NALF1: variants seen among roughly 807,000 people sequenced by gnomAD.
The protein encoded by NALF1 is family with sequence similarity 155 member A.
NALF1 carries 3 observed loss-of-function variants against 48.4 expected under a neutral mutation model. That is an observed-to-expected ratio of 0.06 (90% CI 0.03 to 0.16). NALF1 has a LOEUF of 0.16. NALF1 is among the 10% of genes least tolerant of loss of function. The pLI is 1.00. For missense variants in NALF1, 526 were observed against 571.5 expected (o/e 0.92, Z 0.81); for synonymous variants, 262 against 245.7 (o/e 1.07, Z -0.62).
intron 1 of NALF1, among the ~76,000 whole-genome samples, chr13:107,735,495 C>T (rs1042600537): frequency 6.6e-6 from 1 of 152,196 alleles, no homozygotes; most frequent in Non-Finnish European, 1.5e-5. Context: ...TCAGAAAAAA[C>T]TCACCTGTAA....
intron 1 of NALF1, among the ~76,000 whole-genome samples, chr13:107,754,354 AACACACACACACACACAC>A (rs6145234): frequency 1.8e-4 from 26 of 142,410 alleles, no homozygotes; most frequent in African/African-American, 6.4e-4. Context: ...GTACATTGTG[AACACACACACACACACAC>A]ACACACACAC....
chr13:107,430,365 G>A (rs953862498), intron 1 of NALF1, among the ~76,000 whole-genome samples: 1 of 151,686 alleles, frequency 6.6e-6, no homozygotes, highest in Non-Finnish European at 1.5e-5. Flanking sequence ...ATGTATACAT[G>A]TGCCATGTTG....
At chr13:107,599,260 A>G (rs529927133) in intron 1 of NALF1, among the ~76,000 whole-genome samples, 5 of 152,212 alleles carry the variant, frequency 3.3e-5, no homozygotes, top group African/African-American at 1.2e-4. Flanking sequence ...CTCTACCAAA[A>G]AAATACAAAA....
chr13:107,457,137 T>C (rs577444634), intron 1 of NALF1, among the ~76,000 whole-genome samples: 3 of 152,154 alleles, frequency 2.0e-5, no homozygotes, highest in African/African-American at 4.8e-5. Context: ...CCATTCAAGA[T>C]GAATAAATGC....
chr13:107,658,030 C>T (rs2138473887), intron 1 of NALF1, among the ~76,000 whole-genome samples: 1 of 152,298 alleles, frequency 6.6e-6, no homozygotes, highest in African/African-American at 2.4e-5. Flanking sequence ...TTTGGAGGCA[C>T]TTTGTCTCCT....
intron 1 of NALF1, among the ~76,000 whole-genome samples, chr13:107,651,144 G>A (rs1880442366): frequency 1.3e-5 from 2 of 152,244 alleles, no homozygotes; most frequent in East Asian, 1.9e-4. Context: ...GAGATAAAAG[G>A]AAAATGAGTT....
At chr13:107,507,981 G>T (rs1245293689) in intron 1 of NALF1, among the ~76,000 whole-genome samples, 2 of 152,040 alleles carry the variant, frequency 1.3e-5, no homozygotes, top group Non-Finnish European at 2.9e-5. Flanking sequence ...CCCACTTTCT[G>T]CATAAAAATG....
chr13:107,198,919 C>T (rs570539081), intron 2 of NALF1, among the ~76,000 whole-genome samples: 2 of 152,324 alleles, frequency 1.3e-5, no homozygotes, highest in South Asian at 2.1e-4. Context: ...GAATTGCATA[C>T]TCCAAAAACG....
Position 107,271,795 on chromosome 13 carries a change from T to TAC in NALF1, c.916-61041_916-61040insGT, listed in dbSNP as rs1881174422. The stretch of plus-strand genomic sequence containing the variant: ...TGGACTATATATATATATATATATA[T>TAC]ATATATATATATATATATATATTTA... On this transcript the variant is annotated intron_variant, in intron 1 of 2. Coordinates refer to ENST00000375915, the MANE Select transcript of NALF1 (RefSeq NM_001080396.3). Among the ~76,000 whole-genome samples, 6 of 134,048 alleles carry TAC rather than the reference T, an allele frequency of 4.5e-5. No homozygotes were observed. In the Admixed American group the frequency reaches 4.6e-4, roughly 10 times the overall value. 87.9% of individuals were successfully genotyped at this position (134,048 alleles called of 152,430 possible).
At chr13:107,327,269 T>C (rs1274730698) in intron 1 of NALF1, among the ~76,000 whole-genome samples, 2 of 152,034 alleles carry the variant, frequency 1.3e-5, no homozygotes, top group Non-Finnish European at 2.9e-5. Context: ...GTCCATTGGC[T>C]ATAGCTAGCC....
intron 1 of NALF1, among the ~76,000 whole-genome samples, chr13:107,434,965 T>C (rs1480562867): frequency 6.6e-6 from 1 of 152,166 alleles, no homozygotes. Context: ...CTCAACTTCA[T>C]TGGCCTCAAA....
chr13:107,660,484 C>CACACACACAA (rs1386945144), intron 1 of NALF1, among the ~76,000 whole-genome samples: 10 of 139,218 alleles, frequency 7.2e-5, no homozygotes, highest in East Asian at 7.1e-4. Context: ...CACACACACA[C>CACACACACAA]AACAAAGAAA....
chr13:107,697,092 C>A (rs529262475), intron 1 of NALF1, among the ~76,000 whole-genome samples: 2 of 151,916 alleles, frequency 1.3e-5, no homozygotes, highest in South Asian at 2.1e-4. Context: ...GATAATTTTG[C>A]GGAGTTTTAG....
intron 1 of NALF1, among the ~76,000 whole-genome samples, chr13:107,408,482 G>T (rs548941250): frequency 6.6e-6 from 1 of 152,008 alleles, no homozygotes; most frequent in East Asian, 1.9e-4. Flanking sequence ...GCCATTAGAA[G>T]ATATTTACGA....
chr13:107,190,017 T>G (rs369693509), intron 2 of NALF1, among the ~76,000 whole-genome samples: 1 of 152,210 alleles, frequency 6.6e-6, no homozygotes, highest in African/African-American at 2.4e-5. Context: ...TTACCTATTA[T>G]GTTCTCCTTA....
chr13:107,371,172 C>G (rs1249835398), intron 1 of NALF1, among the ~76,000 whole-genome samples: 1 of 152,174 alleles, frequency 6.6e-6, no homozygotes, highest in Admixed American at 6.5e-5. Flanking sequence ...ATTGGCCAGG[C>G]ACAGTGGCTC....
chr13:107,403,306 C>G (rs1408021), intron 1 of NALF1, among the ~76,000 whole-genome samples: 2 of 138,378 alleles, frequency 1.4e-5, no homozygotes, highest in African/African-American at 5.3e-5. Context: ...CTTAAAAACT[C>G]TTTTAAGCCA....
chr13:107,778,858 AT>A (rs1482229474), intron 1 of NALF1, among the ~76,000 whole-genome samples: 1 of 152,182 alleles, frequency 6.6e-6, no homozygotes, highest in Non-Finnish European at 1.5e-5. Flanking sequence ...GGCTCTCAAC[AT>A]CAGTTCTCAC....
At chr13:107,561,577 G>A (rs938833460) in intron 1 of NALF1, among the ~76,000 whole-genome samples, 2 of 152,116 alleles carry the variant, frequency 1.3e-5, no homozygotes, top group Non-Finnish European at 2.9e-5. Context: ...CAATACAGTC[G>A]CTACTTTGCC....
Sources: gnomAD v4.1 joint callset for allele counts (sites outside exome capture counted in the v4.1 genomes callset) on GRCh38, gnomAD v4.1.1 for gene constraint, MANE v1.5 for transcripts, NCBI Gene and HGNC (gene_info 2026-07-23, HGNC 2026-07-21) for gene names.